The following TBC1D14 variants were observed in gnomAD, a reference collection of about 807,000 sequenced individuals.
TBC1D14 encodes TBC1 domain family member 14, also known as TBC1 domain family, member 14.
In TBC1D14, 26 loss-of-function variants were observed where a neutral mutation model predicts 79.0. The ratio of observed to expected loss-of-function variants is 0.33; its 90% CI spans 0.24 to 0.46. The LOEUF is 0.46. TBC1D14 is among the 20% of genes least tolerant of loss of function. TBC1D14 has a pLI of 1.00. For missense variants in TBC1D14, 769 were observed against 887.6 expected (o/e 0.87, Z 1.70); for synonymous variants, 394 against 349.9 (o/e 1.13, Z -1.40).
chr4:6,924,237 G>A, intron 2 of TBC1D14, 126 bp downstream of exon 2: 1 of 1,341,878 alleles, frequency 7.5e-7, no homozygotes, highest in Non-Finnish European at 9.8e-7. Context: ...ACAGATAATT[G>A]GGTCTTTTCC....
intron 1 of TBC1D14, among the ~76,000 whole-genome samples, chr4:6,911,201 T>G (rs557634972): frequency 3.5e-4 from 53 of 152,326 alleles, no homozygotes; most frequent in Middle Eastern, 3.4e-3. Context: ...GCTGTGTGTT[T>G]GACCCCTTGA....
At chr4:6,966,910 T>G (rs902293954) in intron 2 of TBC1D14, among the ~76,000 whole-genome samples, 1 of 152,172 alleles carries the variant, frequency 6.6e-6, no homozygotes, top group Non-Finnish European at 1.5e-5. Context: ...CCCAGGTTCA[T>G]GTCATTCTCC....
At chr4:7,029,504 T>C (rs764962055) in intron 13 of TBC1D14, among the ~76,000 whole-genome samples, 3 of 152,246 alleles carry the variant, frequency 2.0e-5, no homozygotes, top group Non-Finnish European at 2.9e-5. Context: ...TTAGTGTTGC[T>C]GCAATTGCTA....
intron 13 of TBC1D14, among the ~76,000 whole-genome samples, chr4:7,028,061 C>A (rs1487615223): frequency 6.8e-6 from 1 of 146,496 alleles, no homozygotes; most frequent in Non-Finnish European, 1.5e-5. Flanking sequence ...ATTGCATACC[C>A]ACACACACAC....
At chr4:6,917,842 T>C (rs930504661) in intron 1 of TBC1D14, among the ~76,000 whole-genome samples, 4 of 152,122 alleles carry the variant, frequency 2.6e-5, no homozygotes, top group Non-Finnish European at 5.9e-5. Context: ...TATCACGCGG[T>C]AGGTGGCCTG....
rs376918164 is a variant in TBC1D14, at chr4:7,010,813, C to T, written c.1647+32C>T. On this transcript the variant is annotated intron_variant, in intron 11 of 13. Coordinates refer to ENST00000409757, the MANE Select transcript of TBC1D14 (RefSeq NM_020773.3). ...ATCCTCTGTGTTCGGGCCCTGGGTA[C>T]TGTGTCTTTAAATGTCAAGAGTTGC... The T allele has an allele frequency of 7.1e-5, 114 of 1,598,584 alleles. 2 individuals carry two copies. The highest frequency in any genetic ancestry group is 5.3e-4 in the South Asian group (47 of 88,444).
At chr4:6,986,948 T>C (rs140265362) in intron 3 of TBC1D14, among the ~76,000 whole-genome samples, 236 of 152,350 alleles carry the variant, frequency 1.5e-3, no homozygotes, top group African/African-American at 5.6e-3. Flanking sequence ...GCGACTATTT[T>C]TGTGCAATTT....
chr4:7,024,911 G>C (rs745883609), intron 12 of TBC1D14, 93 bp from the exon 13 acceptor site: 10 of 1,538,418 alleles, frequency 6.5e-6, no homozygotes, highest in Non-Finnish European at 8.8e-6. Flanking sequence ...AGTGACTAGG[G>C]GAGTGTTTTT....
intron 2 of TBC1D14, 37 bp downstream of exon 2, chr4:6,924,148 T>C: frequency 6.3e-7 from 1 of 1,579,758 alleles, no homozygotes; most frequent in Non-Finnish European, 8.6e-7. Context: ...ATCGTGGTGG[T>C]TGAGTCCAGA....
chr4:6,928,419 C>T (rs1303622114), intron 2 of TBC1D14, among the ~76,000 whole-genome samples: 2 of 152,154 alleles, frequency 1.3e-5, no homozygotes, highest in Admixed American at 6.5e-5. Context: ...CTGCTCTGAC[C>T]CAAGTTTGAA....
chr4:6,961,586 G>A (rs1331985557), intron 2 of TBC1D14, among the ~76,000 whole-genome samples: 1 of 152,216 alleles, frequency 6.6e-6, no homozygotes, highest in African/African-American at 2.4e-5. Flanking sequence ...GGAGCAGCCT[G>A]TGTGGTAGGC....
At chr4:7,023,824 G>A (rs1722070877) in intron 12 of TBC1D14, among the ~76,000 whole-genome samples, 3 of 152,232 alleles carry the variant, frequency 2.0e-5, no homozygotes, top group Admixed American at 2.0e-4. Context: ...GGAGGGGCTC[G>A]CATAGCACAC....
chr4:6,943,028 G>A (rs1713061741), intron 2 of TBC1D14, among the ~76,000 whole-genome samples: 2 of 152,184 alleles, frequency 1.3e-5, no homozygotes, highest in Admixed American at 6.5e-5. Flanking sequence ...ACACAACGGA[G>A]GTTGATTTCC....
chr4:7,017,103 C>T (rs1721365073), intron 12 of TBC1D14, among the ~76,000 whole-genome samples: 1 of 152,170 alleles, frequency 6.6e-6, no homozygotes, highest in Admixed American at 6.5e-5. Flanking sequence ...GAGTTCGAGA[C>T]CAACCTGGCC....
At chr4:6,914,234 A>G (rs1338834139) in intron 1 of TBC1D14, among the ~76,000 whole-genome samples, 1 of 152,046 alleles carries the variant, frequency 6.6e-6, no homozygotes, top group East Asian at 1.9e-4. Flanking sequence ...GCCTTTGAGG[A>G]CCCTGAACAA....
intron 2 of TBC1D14, among the ~76,000 whole-genome samples, chr4:6,955,535 G>A (rs553537206): frequency 1.3e-5 from 2 of 152,274 alleles, no homozygotes; most frequent in East Asian, 3.9e-4. Context: ...TTCCCTCCTG[G>A]GCCTGGCACT....
intron 12 of TBC1D14, among the ~76,000 whole-genome samples, chr4:7,020,720 T>A (rs1445687142): frequency 6.6e-6 from 1 of 152,228 alleles, no homozygotes; most frequent in Non-Finnish European, 1.5e-5. Context: ...TCTTTTCTTT[T>A]TGAGACGTAT....
intron 1 of TBC1D14, among the ~76,000 whole-genome samples, chr4:6,915,065 T>C (rs1260401287): frequency 6.6e-6 from 1 of 152,028 alleles, no homozygotes; most frequent in Non-Finnish European, 1.5e-5. Flanking sequence ...GAGAAAGAGA[T>C]GCAGGGGTTG....
intron 12 of TBC1D14, among the ~76,000 whole-genome samples, chr4:7,019,581 T>A (rs1721608526): frequency 6.6e-6 from 1 of 152,036 alleles, no homozygotes; most frequent in Non-Finnish European, 1.5e-5. Context: ...TGTGCATCGT[T>A]GGCACACCCT....
Sources: allele counts gnomAD v4.1 joint callset (sites outside exome capture counted in the v4.1 genomes callset), GRCh38; gene constraint gnomAD v4.1.1; transcripts MANE v1.5; gene names NCBI Gene and HGNC (gene_info 2026-07-23, HGNC 2026-07-21).